The following SAMD14 variants were observed in gnomAD, a reference collection of about 807,000 sequenced individuals.
The protein encoded by SAMD14 is sterile alpha motif domain-containing protein 14.
In SAMD14, 27 loss-of-function variants were observed where a neutral mutation model predicts 46.2. The observed-to-expected ratio is 0.58, with a 90% CI of 0.43 to 0.81. The LOEUF (loss-of-function observed/expected upper bound fraction) is 0.81, where lower values mean the gene tolerates loss of function less well. Ranked by LOEUF, SAMD14 falls within the 30% of genes least tolerant of loss-of-function variation. The pLI is 0.00. For missense variants in SAMD14, 559 were observed against 582.2 expected (o/e 0.96, Z 0.41); for synonymous variants, 241 against 254.3 (o/e 0.95, Z 0.50).
intron 7 of SAMD14, 150 bp from the exon 8 acceptor site, chr17:50,114,456 G>A: frequency 6.2e-7 from 1 of 1,608,556 alleles, no homozygotes; most frequent in East Asian, 2.2e-5. Context: ...CACAGGACAT[G>A]ATAACTCATG....
intron 1 of SAMD14, among the ~76,000 whole-genome samples, chr17:50,126,684 G>A (rs1287883986): frequency 1.3e-5 from 2 of 152,188 alleles, no homozygotes; most frequent in African/African-American, 4.8e-5. Context: ...GAGATGAGAG[G>A]AAGCCAGGCA....
At chr17:50,114,596 C>T (rs371201786) in intron 7 of SAMD14, 66 of 656,450 alleles carry the variant, frequency 1.0e-4, no homozygotes, top group African/African-American at 8.8e-4. Context: ...GGCAGACCAC[C>T]GAGATTCCCC....
intron 1 of SAMD14, among the ~76,000 whole-genome samples, chr17:50,127,989 A>C (rs1366051188): frequency 6.6e-6 from 1 of 152,136 alleles, no homozygotes; most frequent in African/African-American, 2.4e-5. Flanking sequence ...CTGATTCCTT[A>C]AATAGGTCTC....
At chr17:50,128,006 C>G (rs1338216273) in intron 1 of SAMD14, among the ~76,000 whole-genome samples, 2 of 152,130 alleles carry the variant, frequency 1.3e-5, no homozygotes, top group African/African-American at 2.4e-5. Flanking sequence ...TCTCATCTCC[C>G]CCCCACCAAT....
At chr17:50,114,159 G>T in intron 8 of SAMD14, 28 bp downstream of exon 8, 1 of 1,614,082 alleles carries the variant, frequency 6.2e-7, no homozygotes, top group East Asian at 2.2e-5. Context: ...TCAGGACTCC[G>T]TGGGCACCCT....
intron 3 of SAMD14, 59 bp from the exon 4 acceptor site, chr17:50,117,754 G>C (rs1911301645): frequency 7.3e-7 from 1 of 1,378,956 alleles, no homozygotes; most frequent in Non-Finnish European, 9.4e-7. Flanking sequence ...GGAGGAGCTG[G>C]GAGACTTTCA....
In SAMD14 at chr17:50,110,764, G is replaced by A. The variant is rs1355840373; in HGVS notation, c.*2129C>T. The A allele has an allele frequency of 6.6e-6, 1 of 152,218 alleles. No homozygotes were observed. Among genetic ancestry groups the A allele is most frequent in the Non-Finnish European group, 1.5e-5 (1 of 68,060 alleles). The allele number at this position is 152,218 out of a possible 1,614,324, so 9.4% of individuals were successfully genotyped here. On this transcript the variant is annotated 3_prime_UTR_variant, in exon 10 of 10. Coordinates refer to ENST00000330175, the MANE Select transcript of SAMD14 (RefSeq NM_001257359.2). ...GAGGCCCTGCAGTGGCCTTGGCAAT[G>A]TCTGTGCCACCTCCTGAGCCCTCCC...
At position 50,112,953 on chromosome 17, in the gene SAMD14, C is replaced by G. The variant is rs1455553107; in HGVS notation, c.1194G>C (p.Glu398Asp). The G allele has an allele frequency of 6.2e-7, 1 of 1,610,808 alleles. No homozygotes were observed. Among genetic ancestry groups the G allele is most frequent in the African/African-American group, 1.3e-5 (1 of 74,936 alleles). Residue 398 changes from glutamate (E) to aspartate (D), a missense_variant, in exon 10 of 10, where the codon GAG (glutamate) becomes GAC (aspartate). Transcript: ENST00000330175. ...GCTTCTCCCGCTGCCGCGCAGCCTT[C>G]TCCTGGGCCTTGCGCTCCTTCTCGG... ...AAAEKERKAQ[E>D]KAARQREKLR...
intron 4 of SAMD14, 137 bp downstream of exon 4, chr17:50,117,270 G>A: frequency 2.4e-6 from 2 of 822,074 alleles, no homozygotes; most frequent in Non-Finnish European, 1.6e-6. Context: ...GAATGAGTGA[G>A]CGGCGGCGTT....
At chr17:50,118,505 G>A (rs1911356769) in intron 2 of SAMD14, among the ~76,000 whole-genome samples, 178 bp from the exon 3 acceptor site, 1 of 152,220 alleles carries the variant, frequency 6.6e-6, no homozygotes, top group Admixed American at 6.5e-5. Context: ...GGAGTGGGCG[G>A]GTGTGCAGGG....
intron 1 of SAMD14, among the ~76,000 whole-genome samples, chr17:50,127,070 A>C (rs1038778155): frequency 2.0e-5 from 3 of 151,016 alleles, no homozygotes; most frequent in Non-Finnish European, 4.4e-5. Flanking sequence ...ATTGCACTCC[A>C]GCCTGGGTGA....
chr17:50,128,704 T>A (rs971708495), intron 1 of SAMD14, among the ~76,000 whole-genome samples: 5 of 151,912 alleles, frequency 3.3e-5, no homozygotes, highest in African/African-American at 1.2e-4. Flanking sequence ...GGGCGCACAA[T>A]TCCTGGGGAG....
intron 2 of SAMD14, chr17:50,124,161 C>T (rs956202754): frequency 1.8e-5 from 8 of 456,162 alleles, no homozygotes; most frequent in Non-Finnish European, 3.5e-5. Flanking sequence ...GGGAAACCGG[C>T]TTTCCGCCCC....
intron 2 of SAMD14, among the ~76,000 whole-genome samples, chr17:50,124,432 A>G (rs1911650498): frequency 6.6e-6 from 1 of 152,148 alleles, no homozygotes. Context: ...AACGTGTGTC[A>G]TCTGGGCTGG....
At chr17:50,123,889 T>C (rs1436682140) in intron 2 of SAMD14, among the ~76,000 whole-genome samples, 4 of 152,048 alleles carry the variant, frequency 2.6e-5, no homozygotes, top group Non-Finnish European at 2.9e-5. Context: ...AGGCCTGGGC[T>C]TAAGTCAGGC....
In SAMD14 at chr17:50,117,911, C is replaced by T. The variant is rs904300605; in HGVS notation, c.211-216G>A. Reference sequence around the variant, plus strand: ...CTGGGGCTGAATTCCCCCTCCTTCACTTACTGTGACTTTGCTCCTGGACCT... The same window carrying T: ...CTGGGGCTGAATTCCCCCTCCTTCATTTACTGTGACTTTGCTCCTGGACCT... On this transcript the variant is annotated intron_variant, in intron 3 of 9. Transcript: ENST00000330175. The T allele has an allele frequency of 7.7e-5, 49 of 635,228 alleles. No homozygotes were observed. The African/African-American group carries it at 7.9e-4, about 10-fold the overall frequency. 39.3% of individuals were successfully genotyped at this position (635,228 alleles called of 1,614,324 possible). A position where few individuals can be genotyped will look rare whatever the true frequency, so the allele number is the denominator to read the frequency against.
chr17:50,113,181 C>A, intron 9 of SAMD14, 133 bp from the exon 10 acceptor site: 1 of 1,020,846 alleles, frequency 9.8e-7, no homozygotes, highest in Non-Finnish European at 1.4e-6. Context: ...CCTCCGCCTC[C>A]CACACCGTGA....
intron 1 of SAMD14, 169 bp from the exon 2 acceptor site, chr17:50,125,140 C>T: frequency 1.6e-6 from 1 of 631,512 alleles, no homozygotes; most frequent in South Asian, 1.9e-5. Context: ...GGAATCATAA[C>T]CCAGATGGTG....
intron 1 of SAMD14, among the ~76,000 whole-genome samples, chr17:50,128,732 G>C (rs1401897303): frequency 6.6e-6 from 1 of 152,132 alleles, no homozygotes; most frequent in Admixed American, 6.5e-5. Flanking sequence ...GAGCGGGAGC[G>C]GAAGGAAGTG....
Sources: allele counts gnomAD v4.1 joint callset (sites outside exome capture counted in the v4.1 genomes callset), GRCh38; gene constraint gnomAD v4.1.1; transcripts MANE v1.5; gene names NCBI Gene and HGNC (gene_info 2026-07-23, HGNC 2026-07-21).